CTNNA2: variants seen among roughly 807,000 people sequenced by gnomAD.
CTNNA2 encodes catenin alpha-2.
Under a neutral mutation model 101.0 loss-of-function variants are expected in CTNNA2, and 42 were observed. The ratio of observed to expected loss-of-function variants is 0.42; its 90% confidence interval spans 0.32 to 0.54. CTNNA2 has a LOEUF of 0.54. CTNNA2 is among the 20% of genes least tolerant of loss of function. CTNNA2 has a pLI of 0.14. For synonymous variants in CTNNA2, 450 were observed against 456.4 expected, an observed-to-expected ratio of 0.99 and a Z score of 0.18; for missense variants, 871 against 1,223.1, an observed-to-expected ratio of 0.71 and a Z score of 4.29.
chr2:79,294,779 C>G (rs1462379938), intron 2 of CTNNA2, among the ~76,000 whole-genome samples: 1 of 152,086 alleles, frequency 6.6e-6, no homozygotes, highest in Non-Finnish European at 1.5e-5. Flanking sequence ...AAAGGTAAGA[C>G]TAGATCACTT....
intron 1 of CTNNA2, among the ~76,000 whole-genome samples, chr2:79,583,206 CA>C (rs1676256593): frequency 6.7e-6 from 1 of 149,292 alleles, no homozygotes. Context: ...GATATACACA[CA>C]TATATATATA....
intron 9 of CTNNA2, among the ~76,000 whole-genome samples, chr2:80,496,169 C>T (rs1687449383): frequency 6.6e-6 from 1 of 151,910 alleles, no homozygotes; most frequent in Non-Finnish European, 1.5e-5. Flanking sequence ...GGACTTCTTC[C>T]CTCTAGAACT....
intron 3 of CTNNA2, among the ~76,000 whole-genome samples, chr2:79,820,021 T>A (rs2941753): frequency 0.67 from 101,855 of 152,026 alleles, 36,495 homozygotes; most frequent in East Asian, 0.95. Context: ...CATCGTCTAG[T>A]TGGTTTATTT....
At chr2:79,582,477 T>G (rs1055198520) in intron 1 of CTNNA2, among the ~76,000 whole-genome samples, 1 of 152,174 alleles carries the variant, frequency 6.6e-6, no homozygotes, top group Non-Finnish European at 1.5e-5. Flanking sequence ...AAAGCTCCCA[T>G]TTTATCTCCG....
chr2:80,070,221 AG>A (rs1266763589), intron 7 of CTNNA2, among the ~76,000 whole-genome samples: 13 of 152,284 alleles, frequency 8.5e-5, no homozygotes, highest in African/African-American at 3.1e-4. Flanking sequence ...TTTCCTGAAA[AG>A]GTAGTTTTGC....
chr2:79,593,087 A>G (rs1046835805), intron 1 of CTNNA2, among the ~76,000 whole-genome samples: 2 of 152,212 alleles, frequency 1.3e-5, no homozygotes, highest in Middle Eastern at 3.2e-3. Context: ...GGAATTATAT[A>G]TATATTTTTA....
chr2:80,507,455 C>T (rs968489115), intron 9 of CTNNA2, among the ~76,000 whole-genome samples: 6 of 152,204 alleles, frequency 3.9e-5, no homozygotes, highest in African/African-American at 7.2e-5. Flanking sequence ...AAATTAACCT[C>T]GATGTTTCAA....
At chr2:79,881,703 T>TGGGAA (rs1683440502) in intron 6 of CTNNA2, among the ~76,000 whole-genome samples, 2 of 151,842 alleles carry the variant, frequency 1.3e-5, no homozygotes, top group Non-Finnish European at 2.9e-5. Flanking sequence ...TGTGTGTCTT[T>TGGGAA]GCATGCGAGA....
intron 3 of CTNNA2, among the ~76,000 whole-genome samples, chr2:79,790,001 C>T (rs1675146464): frequency 6.6e-6 from 1 of 151,918 alleles, no homozygotes; most frequent in African/African-American, 2.4e-5. Flanking sequence ...AAAAACAGAT[C>T]ATATGAATAA....
intron 3 of CTNNA2, among the ~76,000 whole-genome samples, chr2:79,819,682 A>C (rs910001213): frequency 6.6e-6 from 1 of 152,194 alleles, no homozygotes; most frequent in Admixed American, 6.5e-5. Context: ...GCTAATGGGT[A>C]CAAAAATACA....
intron 15 of CTNNA2, among the ~76,000 whole-genome samples, chr2:80,595,718 T>C (rs972434869): frequency 1.3e-5 from 2 of 152,254 alleles, no homozygotes; most frequent in South Asian, 2.1e-4. Flanking sequence ...GTTCTGTTGG[T>C]GTATATGTGT....
At chr2:79,743,477 A>G (rs956533920) in intron 2 of CTNNA2, among the ~76,000 whole-genome samples, 1 of 152,054 alleles carries the variant, frequency 6.6e-6, no homozygotes, top group South Asian at 2.1e-4. Flanking sequence ...TTAACTAAAC[A>G]TTGAGTCTGA....
chr2:80,347,497 A>G (rs1332234351), intron 7 of CTNNA2, among the ~76,000 whole-genome samples: 1 of 152,150 alleles, frequency 6.6e-6, no homozygotes, highest in Non-Finnish European at 1.5e-5. Context: ...GAACGATCCA[A>G]CCTAATTCAT....
chr2:80,322,606 C>G (rs560790960), intron 7 of CTNNA2, among the ~76,000 whole-genome samples: 1 of 151,744 alleles, frequency 6.6e-6, no homozygotes, highest in South Asian at 2.1e-4. Flanking sequence ...AGCCTGGCCC[C>G]GGCGCAGATG....
At chr2:80,037,440 A>T (rs1234724124) in intron 7 of CTNNA2, among the ~76,000 whole-genome samples, 2 of 152,140 alleles carry the variant, frequency 1.3e-5, no homozygotes, top group Non-Finnish European at 2.9e-5. Flanking sequence ...TAGTTTGATA[A>T]TTTTATTACT....
At chr2:79,228,941 G>A (rs1674455849) in intron 2 of CTNNA2, among the ~76,000 whole-genome samples, 1 of 152,116 alleles carries the variant, frequency 6.6e-6, no homozygotes, top group Admixed American at 6.6e-5. Flanking sequence ...TACATGGTAA[G>A]AGGTAAAGGT....
chr2:80,593,546 T>C (rs1157182194), intron 15 of CTNNA2, among the ~76,000 whole-genome samples: 1 of 152,118 alleles, frequency 6.6e-6, no homozygotes, highest in African/African-American at 2.4e-5. Flanking sequence ...TAAGTGTACA[T>C]TTCTATGGCA....
intron 6 of CTNNA2, among the ~76,000 whole-genome samples, chr2:79,901,650 C>G (rs1365416175): frequency 6.6e-6 from 1 of 152,082 alleles, no homozygotes; most frequent in Non-Finnish European, 1.5e-5. Context: ...AAAGGTTTAA[C>G]CAATGTTGAA....
intron 3 of CTNNA2, among the ~76,000 whole-genome samples, chr2:79,775,109 A>C (rs1005559712): frequency 3.9e-5 from 6 of 152,186 alleles, no homozygotes; most frequent in Admixed American, 3.9e-4. Context: ...ATAAATGGAC[A>C]GTGTTGGGTT....
Sources: gnomAD v4.1 joint callset for allele counts (sites outside exome capture counted in the v4.1 genomes callset) on GRCh38, gnomAD v4.1.1 for gene constraint, MANE v1.5 for transcripts, NCBI Gene and HGNC (gene_info 2026-07-23, HGNC 2026-07-21) for gene names.